GRIK2: variants seen among roughly 807,000 people sequenced by gnomAD.
The protein encoded by GRIK2 is glutamate ionotropic receptor kainate type subunit 2, also known as glutamate receptor ionotropic, kainate 2.
A neutral mutation model predicts 100.3 loss-of-function variants in GRIK2; 32 were observed. The ratio of observed to expected loss-of-function variants is 0.32; its 90% CI spans 0.24 to 0.43. The LOEUF is 0.43. Ranked by LOEUF, GRIK2 falls within the 20% of genes least tolerant of loss-of-function variation. The probability of loss-of-function intolerance (pLI) is 1.00; values close to 1 mark genes in which losing one functional copy is unlikely to be tolerated. For synonymous variants in GRIK2, 417 were observed against 389.4 expected, an observed-to-expected ratio of 1.07 and a Z score of -0.83; for missense variants, 843 against 1,114.9, an observed-to-expected ratio of 0.76 and a Z score of 3.47.
rs549689914 is a variant in GRIK2, at chr6:101,606,391, C to T, written c.116-15558C>T. On this transcript the variant is annotated intron_variant, in intron 2 of 16. Coordinates refer to ENST00000369134, the MANE Select transcript of GRIK2 (RefSeq NM_021956.5). ...ATTCACTGATCTGTTAAATACTGAC[C>T]TCATTCATTTCCATGAATATTGGAA... Among the ~76,000 whole-genome samples, 11 of 152,030 alleles carry T rather than the reference C, an allele frequency of 7.2e-5. 1 individual carries two copies. The South Asian group carries it at 1.7e-3, about 23-fold the overall frequency.
chr6:101,755,825 G>A (rs147028485), intron 7 of GRIK2, among the ~76,000 whole-genome samples: 15 of 152,254 alleles, frequency 9.9e-5, no homozygotes, highest in Non-Finnish European at 1.8e-4. Context: ...TTACAGATGT[G>A]TCTAGTTTAT....
chr6:101,691,250 G>A (rs1772071616), intron 7 of GRIK2, among the ~76,000 whole-genome samples: 1 of 151,534 alleles, frequency 6.6e-6, no homozygotes, highest in Non-Finnish European at 1.5e-5. Context: ...TAATCATTTA[G>A]AAGATGTAAT....
Position 101,724,540 on chromosome 6 carries a change from C to G in GRIK2, c.951+38187C>G, listed in dbSNP as rs571795651. Among the ~76,000 whole-genome samples the G allele has an allele frequency of 2.0e-5, 3 of 152,066 alleles. No homozygotes were observed. The East Asian group carries it at 5.8e-4, about 30-fold the overall frequency. On this transcript the variant is annotated intron_variant, in intron 7 of 16. Coordinates refer to ENST00000369134, the MANE Select transcript of GRIK2 (RefSeq NM_021956.5). ...GACATGATTTTGTCCTTTTTCATGG[C>G]TATCTAGGATTCCATGGTGTACATG...
intron 2 of GRIK2, among the ~76,000 whole-genome samples, chr6:101,475,777 A>G (rs191681517): frequency 1.2e-4 from 19 of 152,150 alleles, no homozygotes; most frequent in Non-Finnish European, 2.4e-4. Flanking sequence ...ATTTAAATCT[A>G]AAAAAGGCGA....
chr6:101,742,125 C>G (rs907978320), intron 7 of GRIK2, among the ~76,000 whole-genome samples: 3 of 152,110 alleles, frequency 2.0e-5, no homozygotes, highest in African/African-American at 4.8e-5. Context: ...ATACTTTTTT[C>G]TATTTTTGGA....
At chr6:101,642,143 G>T (rs957284461) in intron 4 of GRIK2, among the ~76,000 whole-genome samples, 3 of 151,736 alleles carry the variant, frequency 2.0e-5, no homozygotes. Context: ...AAATAAAACA[G>T]AATTCTGTTT....
intron 7 of GRIK2, among the ~76,000 whole-genome samples, chr6:101,764,285 G>A (rs9377300): frequency 0.05 from 7,649 of 152,086 alleles, 382 homozygotes; most frequent in East Asian, 0.24. Context: ...TGTACCAGAC[G>A]CCTCCACTTG....
chr6:101,950,146 C>T (rs1791520132), intron 14 of GRIK2, among the ~76,000 whole-genome samples: 1 of 152,010 alleles, frequency 6.6e-6, no homozygotes, highest in Non-Finnish European at 1.5e-5. Context: ...CTACCTGTTT[C>T]AAAAAGTCTT....
At chr6:102,033,759 G>T (rs1369664611) in intron 14 of GRIK2, among the ~76,000 whole-genome samples, 2 of 151,230 alleles carry the variant, frequency 1.3e-5, no homozygotes, top group South Asian at 2.1e-4. Flanking sequence ...ATCAGTGCTG[G>T]AAAGTATTTC....
chr6:101,697,363 G>A (rs1475197750), intron 7 of GRIK2, among the ~76,000 whole-genome samples: 2 of 151,218 alleles, frequency 1.3e-5, no homozygotes, highest in African/African-American at 2.4e-5. Context: ...GTGTGTGTGT[G>A]TGTGTGTGTG....
chr6:101,637,509 T>C (rs940913457), intron 4 of GRIK2, among the ~76,000 whole-genome samples: 9 of 152,274 alleles, frequency 5.9e-5, no homozygotes, highest in Non-Finnish European at 1.0e-4. Flanking sequence ...TATCTCACAT[T>C]TCTCAAATTT....
chr6:101,849,990 A>C (rs1784042745), intron 10 of GRIK2, among the ~76,000 whole-genome samples: 1 of 151,762 alleles, frequency 6.6e-6, no homozygotes, highest in South Asian at 2.1e-4. Flanking sequence ...CAAGAACAAG[A>C]CTGGGGTTAC....
In GRIK2 at chr6:101,555,803, G is replaced by A. The variant is rs145214183; in HGVS notation, c.116-66146G>A. Among the ~76,000 whole-genome samples the A allele has an allele frequency of 1.4e-3, 216 of 152,022 alleles. 1 individual carries two copies. Among genetic ancestry groups the A allele is most frequent in the African/African-American group, 5.1e-3 (210 of 41,454 alleles). ...CAATTTTTTTATCTGTTTCTATTGAGGTAAATGCAAATAAAAACATAGGTT... is the reference window on the plus strand; with the variant it reads ...CAATTTTTTTATCTGTTTCTATTGAAGTAAATGCAAATAAAAACATAGGTT... On this transcript the variant is annotated intron_variant, in intron 2 of 16. Transcript: ENST00000369134.
chr6:101,899,519 T>A (rs533667430), intron 12 of GRIK2, among the ~76,000 whole-genome samples: 1 of 152,166 alleles, frequency 6.6e-6, no homozygotes, highest in East Asian at 1.9e-4. Flanking sequence ...ACCTTCTAAC[T>A]TATATAAAGG....
intron 4 of GRIK2, among the ~76,000 whole-genome samples, chr6:101,656,742 C>T (rs1266607904): frequency 1.3e-5 from 2 of 152,018 alleles, no homozygotes; most frequent in East Asian, 3.9e-4. Context: ...CCAATATAAC[C>T]AAAGAAAGAA....
chr6:101,541,296 T>C (rs1775970706), intron 2 of GRIK2, among the ~76,000 whole-genome samples: 1 of 151,564 alleles, frequency 6.6e-6, no homozygotes, highest in Non-Finnish European at 1.5e-5. Context: ...CTGAGAGTGT[T>C]ATATCGAAGA....
chr6:102,057,492 TG>T (rs1771521264), intron 16 of GRIK2, among the ~76,000 whole-genome samples: 1 of 152,020 alleles, frequency 6.6e-6, no homozygotes, highest in Admixed American at 6.6e-5. Context: ...TGACATTCTA[TG>T]GATCTATATG....
chr6:101,581,051 G>A (rs368040332), intron 2 of GRIK2, among the ~76,000 whole-genome samples: 2 of 151,786 alleles, frequency 1.3e-5, no homozygotes, highest in South Asian at 4.2e-4. Context: ...AGAGAGTAGG[G>A]ATTTTTGCCT....
At chr6:101,656,872 C>A (rs1489292586) in intron 4 of GRIK2, among the ~76,000 whole-genome samples, 20 of 152,188 alleles carry the variant, frequency 1.3e-4, no homozygotes, top group Non-Finnish European at 4.4e-5. Context: ...GGAAATAGAT[C>A]CTTAACATTT....
Sources: gnomAD v4.1 joint callset for allele counts (sites outside exome capture counted in the v4.1 genomes callset) on GRCh38, gnomAD v4.1.1 for gene constraint, MANE v1.5 for transcripts, NCBI Gene and HGNC (gene_info 2026-07-23, HGNC 2026-07-21) for gene names.